CACNA1A: variants seen among roughly 807,000 people sequenced by gnomAD.
CACNA1A encodes calcium voltage-gated channel subunit alpha1 A, also known as voltage-dependent P/Q-type calcium channel subunit alpha-1A.
Under a neutral mutation model 262.4 loss-of-function variants are expected in CACNA1A, and 57 were observed. The ratio of observed to expected loss-of-function variants is 0.22; its 90% confidence interval spans 0.18 to 0.27. CACNA1A has a LOEUF of 0.27. Among genes scored for constraint, CACNA1A ranks in the 10% least tolerant of loss-of-function variants. The probability of loss-of-function intolerance (pLI) is 1.00; values close to 1 mark genes in which losing one functional copy is unlikely to be tolerated. For synonymous variants in CACNA1A, 1,431 were observed against 1,419.3 expected (o/e 1.01, Z -0.18); for missense variants, 2,526 against 3,562.8 (o/e 0.71, Z 7.41).
intron 6 of CACNA1A, among the ~76,000 whole-genome samples, chr19:13,347,498 C>A (rs1344418503): frequency 6.6e-6 from 1 of 152,136 alleles, no homozygotes; most frequent in Admixed American, 6.6e-5. Context: ...AACTACAGCC[C>A]GCGGGCCAGC....
chr19:13,234,849 T>C, intron 34 of CACNA1A, 72 bp downstream of exon 34: 1 of 1,029,446 alleles, frequency 9.7e-7, no homozygotes, highest in Non-Finnish European at 1.5e-6. Context: ...ACATCCTCTA[T>C]GGGAACAGAA....
At chr19:13,275,995 G>A (rs774354447) in intron 23 of CACNA1A, 39 bp from the exon 24 acceptor site, 4 of 1,404,728 alleles carry the variant, frequency 2.8e-6, no homozygotes, top group Non-Finnish European at 4.0e-6. Flanking sequence ...ACCCCCACCT[G>A]ATCCCCACCC....
intron 38 of CACNA1A, among the ~76,000 whole-genome samples, chr19:13,223,236 C>T (rs1275934269): frequency 6.6e-6 from 1 of 152,066 alleles, no homozygotes; most frequent in Non-Finnish European, 1.5e-5. Context: ...CTCTGTCACC[C>T]AGGCTGTAGT....
Position 13,298,660 on chromosome 19 carries a change from G to C in CACNA1A, c.2973C>G (p.Gly991=). ...CGCCCCCGTCGGGGCCCTCGCCCTC[G>C]CCCTCGCCGCCCCGGGCCGGCCGGC... ...EGSRPARGGE[G]EGEGPDGGER... is the part of the protein sequence containing the mutation. The change falls in exon 19 of 47, where the codon GGC becomes GGG. Residue 991 remains glycine (G), a synonymous_variant. Transcript: ENST00000360228. 6.7e-7 allele frequency: 1 copy of C among 1,498,526 alleles called. No individual in the cohort carries two copies. The highest frequency in any genetic ancestry group is 1.3e-5 in the South Asian group (1 of 78,942). The allele number at this position is 1,498,526 out of a possible 1,614,324, so 92.8% of individuals were successfully genotyped here.
intron 11 of CACNA1A, among the ~76,000 whole-genome samples, chr19:13,314,354 A>G (rs1039647034): frequency 1.3e-5 from 2 of 152,206 alleles, no homozygotes; most frequent in African/African-American, 4.8e-5. Context: ...CCCCTCCAAA[A>G]TTCACGTTGA....
intron 34 of CACNA1A, among the ~76,000 whole-genome samples, chr19:13,234,510 C>T (rs1283023550): frequency 1.3e-5 from 2 of 152,090 alleles, no homozygotes; most frequent in Non-Finnish European, 2.9e-5. Context: ...AGAATCCCTT[C>T]CTCACAGGGT....
At chr19:13,310,286 T>G (rs1345079189) in intron 12 of CACNA1A, among the ~76,000 whole-genome samples, 1 of 149,756 alleles carries the variant, frequency 6.7e-6, no homozygotes, top group Non-Finnish European at 1.5e-5. Context: ...TGAATCCCGG[T>G]CTCTACAAAA....
intron 6 of CACNA1A, among the ~76,000 whole-genome samples, chr19:13,344,221 C>CAAAAAAAAAAA (rs35162704): frequency 4.1e-5 from 5 of 121,312 alleles, no homozygotes; most frequent in East Asian, 2.3e-4. Flanking sequence ...CTCAAAAAAG[C>CAAAAAAAAAAA]AAAAAAAAAA....
intron 3 of CACNA1A, among the ~76,000 whole-genome samples, chr19:13,427,907 C>T (rs141026417): frequency 2.6e-5 from 4 of 152,188 alleles, no homozygotes; most frequent in African/African-American, 7.2e-5. Flanking sequence ...CTCTGGGCAT[C>T]GGTTTCCTCA....
Position 13,231,809 on chromosome 19 carries a change from C to T in CACNA1A, c.5301G>A (p.Gly1767=), listed in dbSNP as rs370910320. 3.9e-5 allele frequency: 63 copies of T among 1,613,818 alleles called. No individual in the cohort carries two copies. Among genetic ancestry groups the T allele is most frequent in the Non-Finnish European group, 5.2e-5 (61 of 1,179,770 alleles). ...WHNIMLSCLS[G]KPCDKNSGIL... is the part of the protein sequence containing the mutation. ...TGCCAGAGTTCTTATCACACGGTTT[C>T]CCGCTGAGGCAGGAAAGCATGATGT... The change falls in exon 35 of 47, where the codon GGG becomes GGA. Residue 1767 remains glycine (G), a synonymous_variant. Coordinates refer to ENST00000360228, the MANE Select transcript of CACNA1A (RefSeq NM_001127222.2).
chr19:13,270,763 T>G (rs2056997043), intron 24 of CACNA1A, among the ~76,000 whole-genome samples: 1 of 152,086 alleles, frequency 6.6e-6, no homozygotes, highest in South Asian at 2.1e-4. Context: ...GGGGAGGGTG[T>G]GGTAGGCGTG....
At chr19:13,416,793 C>T (rs571344547) in intron 3 of CACNA1A, among the ~76,000 whole-genome samples, 3 of 152,112 alleles carry the variant, frequency 2.0e-5, no homozygotes, top group East Asian at 1.9e-4. Flanking sequence ...CCAGCCCAGG[C>T]AACAGTGCTA....
intron 45 of CACNA1A, 91 bp from the exon 46 acceptor site, chr19:13,209,100 G>C (rs1283346379): frequency 6.6e-7 from 1 of 1,510,356 alleles, no homozygotes; most frequent in Non-Finnish European, 8.9e-7. Flanking sequence ...GGAAGGTGTG[G>C]GGGCCCTAGA....
At chr19:13,483,864 T>C (rs1599355079) in intron 1 of CACNA1A, among the ~76,000 whole-genome samples, 2 of 152,174 alleles carry the variant, frequency 1.3e-5, no homozygotes, top group Non-Finnish European at 2.9e-5. Context: ...GGGATTCACA[T>C]AGGTAAATAT....
intron 1 of CACNA1A, among the ~76,000 whole-genome samples, chr19:13,458,432 T>C (rs2061055501): frequency 6.6e-6 from 1 of 152,104 alleles, no homozygotes; most frequent in Non-Finnish European, 1.5e-5. Flanking sequence ...ATTACAGGCA[T>C]GAGCCACTGT....
In CACNA1A at chr19:13,241,437, G is replaced by A. The variant is rs2056078908; in HGVS notation, c.4950+3745C>T. 5 of 893,060 alleles carry A rather than the reference G, an allele frequency of 5.6e-6. No homozygotes were observed. Among genetic ancestry groups the A allele is most frequent in the Non-Finnish European group, 9.0e-6 (5 of 558,358 alleles). The allele number at this position is 893,060 out of a possible 1,614,324, so 55.3% of individuals were successfully genotyped here. A position where few individuals can be genotyped will look rare whatever the true frequency, so the allele number is the denominator to read the frequency against. On this transcript the variant is annotated intron_variant, in intron 31 of 46. Transcript: ENST00000360228. This position sits in a 1 kb window ranked among gnomAD's most constrained non-coding sequence, Gnocchi z 4.0. ...TCAGGCATCCCACGTTGGAGAGGCAGGGTGTGGCATGCAATGCCGACGCGA... is the reference window on the plus strand; with the variant it reads ...TCAGGCATCCCACGTTGGAGAGGCAAGGTGTGGCATGCAATGCCGACGCGA...
At chr19:13,373,231 C>T (rs553963560) in intron 3 of CACNA1A, among the ~76,000 whole-genome samples, 5 of 152,302 alleles carry the variant, frequency 3.3e-5, no homozygotes, top group African/African-American at 7.2e-5. Context: ...AATCATAGCT[C>T]GCTACAGCAT....
In CACNA1A at chr19:13,207,548, GCCT is replaced by G; in HGVS notation, c.7283_7285del (p.Glu2428del). ...TGGCGCGTCGTAGGCCCCGGCCATG[GCCT>G]CCTCGCCGCCCCCGCTGCCCGGGCC... On this transcript the variant is annotated inframe_deletion, in exon 47 of 47. Transcript: ENST00000360228. The surrounding 1 kb of genome is among the most constrained non-coding windows in gnomAD (Gnocchi z 5.7). 6.9e-7 allele frequency: 1 copy of G among 1,458,052 alleles called. No homozygotes were observed. Among genetic ancestry groups the G allele is most frequent in the African/African-American group, 1.5e-5 (1 of 67,150 alleles). 90.3% of individuals were successfully genotyped at this position (1,458,052 alleles called of 1,614,324 possible).
At chr19:13,289,094 G>A (rs1200479626) in intron 19 of CACNA1A, among the ~76,000 whole-genome samples, 3 of 151,102 alleles carry the variant, frequency 2.0e-5, no homozygotes, top group Non-Finnish European at 4.4e-5. Flanking sequence ...GTCATAGAGG[G>A]ACATTTCAGA....
Sources: allele counts gnomAD v4.1 joint callset (sites outside exome capture counted in the v4.1 genomes callset), GRCh38; gene constraint gnomAD v4.1.1; non-coding constraint Gnocchi (gnomAD v3.1); transcripts MANE v1.5; gene names NCBI Gene and HGNC (gene_info 2026-07-23, HGNC 2026-07-21).